LETMD1: variants seen among roughly 807,000 people sequenced by gnomAD.
LETMD1 encodes LETM1 domain-containing protein 1.
Under a neutral mutation model 43.9 loss-of-function variants are expected in LETMD1, and 30 were observed. That is an observed-to-expected ratio of 0.68 (90% CI 0.51 to 0.93). The LOEUF (loss-of-function observed/expected upper bound fraction) is 0.93, where lower values mean the gene tolerates loss of function less well. LETMD1 is among the 40% of genes least tolerant of loss of function. LETMD1 has a pLI of 0.00. For synonymous variants in LETMD1, 176 were observed against 163.1 expected (o/e 1.08, Z -0.60); for missense variants, 413 against 447.7 (o/e 0.92, Z 0.70).
chr12:51,064,144 A>G (rs1349153248), downstream of LETMD1: 1 of 1,614,148 alleles, frequency 6.2e-7, no homozygotes, highest in African/African-American at 1.3e-5. Context: ...CCACTGTTCA[A>G]GTAGGATGGG....
At position 51,048,896 on chromosome 12, in the gene LETMD1, C is replaced by T; in HGVS notation, c.123-138C>T. ...GTCTGATTGCCTATCTCTTCTTGAC[C>T]CCAAGACCTTCCTTGGATTTCAGAA... On this transcript the variant is annotated intron_variant, in intron 1 of 8. Coordinates refer to ENST00000262055, the MANE Select transcript of LETMD1 (RefSeq NM_015416.5). 8 of 833,722 alleles carry T rather than the reference C, an allele frequency of 9.6e-6. No homozygotes were observed. The South Asian group carries it at 1.3e-4, about 13-fold the overall frequency. 51.6% of individuals were successfully genotyped at this position (833,722 alleles called of 1,614,324 possible).
At position 51,052,184 on chromosome 12, in the gene LETMD1, C is replaced by T. The variant is rs746682851; in HGVS notation, c.367C>T (p.Arg123Trp). The T allele has an allele frequency of 2.7e-5, 43 of 1,613,650 alleles. No homozygotes were observed. Among genetic ancestry groups the T allele is most frequent in the South Asian group, 4.4e-5 (4 of 91,062 alleles). ...TATAAAGTTTCATCAACTTCCATAC[C>T]GGGAGATGGAGCATTTGAGACAGGT... The part of the protein sequence containing the change: ...HNIKFHQLPY[R>W]EMEHLRQFRQ... The change falls in exon 3 of 9, where the codon CGG (arginine) becomes TGG (tryptophan). Residue 123 changes from arginine to tryptophan, a missense_variant. Coordinates refer to ENST00000262055, the MANE Select transcript of LETMD1 (RefSeq NM_015416.5).
chr12:51,063,988 A>C (rs1245204966), downstream of LETMD1: 2 of 1,613,966 alleles, frequency 1.2e-6, no homozygotes, highest in South Asian at 2.2e-5. Context: ...GGGTCTGTGG[A>C]GCTACAAGCC....
At chr12:51,068,769 A>G in the LETMD1 span, among the ~76,000 whole-genome samples, 3 of 152,188 alleles carry the variant, frequency 2.0e-5, no homozygotes, top group African/African-American at 4.8e-5. Flanking sequence ...CACTGAATGC[A>G]AAACTACCTT....
At chr12:51,066,024 G>A in the LETMD1 span, among the ~76,000 whole-genome samples, 1 of 152,154 alleles carries the variant, frequency 6.6e-6, no homozygotes, top group African/African-American at 2.4e-5. Flanking sequence ...TCCCCCATCA[G>A]AGGGCCAACA....
chr12:51,048,913 AT>A (rs879539763), intron 1 of LETMD1, 120 bp from the exon 2 acceptor site: 52 of 966,078 alleles, frequency 5.4e-5, no homozygotes, highest in Admixed American at 5.1e-4. Context: ...CCTTCCTTGG[AT>A]TTCAGAAGTG....
chr12:51,059,011 C>G, intron 8 of LETMD1: 1 of 307,294 alleles, frequency 3.3e-6, no homozygotes. Context: ...GTTTTGTGGG[C>G]CTTTGGATGT....
At chr12:51,063,786 G>GGCCGAT, downstream of LETMD1, 1 of 1,593,414 alleles carries the variant, frequency 6.3e-7, no homozygotes, top group South Asian at 1.1e-5. Context: ...ATCTTCAGGG[G>GGCCGAT]GCCGATCCTC....
downstream of LETMD1, chr12:51,064,707 T>C (rs779968251): frequency 6.8e-7 from 1 of 1,477,436 alleles, no homozygotes; most frequent in Non-Finnish European, 9.0e-7. Flanking sequence ...AGATGAGACC[T>C]ACAATCCTAA....
At chr12:51,053,044 G>A (rs755744473) in intron 3 of LETMD1, among the ~76,000 whole-genome samples, 24 of 149,376 alleles carry the variant, frequency 1.6e-4, no homozygotes, top group African/African-American at 3.5e-4. Context: ...CCTGGGAGGC[G>A]GAGGTTGCAG....
At chr12:51,063,009 T>C (rs1937727787), downstream of LETMD1, 2 of 152,110 alleles carry the variant, frequency 1.3e-5, no homozygotes, top group African/African-American at 2.4e-5. Flanking sequence ...CCCCAGCCAA[T>C]CCAGCTCTTT....
chr12:51,052,000 T>C lies in LETMD1; in HGVS notation c.275-92T>C, dbSNP rs1264673266. On this transcript the variant is annotated intron_variant, in intron 2 of 8. Transcript: ENST00000262055. Reference sequence around the variant, plus strand: ...GAGTATCGTTGGGGAGGGGTGAGAGTGTTTGCATGTGATTGAACATGGAGT... The same window carrying C: ...GAGTATCGTTGGGGAGGGGTGAGAGCGTTTGCATGTGATTGAACATGGAGT... The C allele has an allele frequency of 4.5e-6, 5 of 1,110,028 alleles. No individual in the cohort carries two copies. In the African/African-American group the frequency reaches 7.9e-5, roughly 17 times the overall value. 68.8% of individuals were successfully genotyped at this position (1,110,028 alleles called of 1,614,324 possible). A position where few individuals can be genotyped will look rare whatever the true frequency, so the allele number is the denominator to read the frequency against.
intron 7 of LETMD1, among the ~76,000 whole-genome samples, chr12:51,057,320 C>T (rs1566137901): frequency 6.6e-6 from 1 of 151,568 alleles, no homozygotes; most frequent in Non-Finnish European, 1.5e-5. Context: ...TGGTCTTGAA[C>T]TCCTGGGCTC....
At chr12:51,048,964 A>C (rs762718377) in intron 1 of LETMD1, 70 bp from the exon 2 acceptor site, 2 of 1,408,288 alleles carry the variant, frequency 1.4e-6, no homozygotes, top group Non-Finnish European at 2.0e-6. Flanking sequence ...CCTGCTTTAC[A>C]TTAGGGACTC....
chr12:51,062,042 CA>C (rs1592732253), downstream of LETMD1: 1 of 151,998 alleles, frequency 6.6e-6, no homozygotes, highest in East Asian at 1.9e-4. Flanking sequence ...AGTTCCCCTC[CA>C]AACTAAAACC....
intron 7 of LETMD1, 70 bp downstream of exon 7, chr12:51,056,572 T>G (rs1947806463): frequency 3.4e-6 from 5 of 1,466,030 alleles, no homozygotes; most frequent in Non-Finnish European, 4.8e-6. Context: ...GGCCGGAGGT[T>G]TACAGGGGCT....
chr12:51,063,793 C>A (rs749688709), downstream of LETMD1: 1 of 1,598,444 alleles, frequency 6.3e-7, no homozygotes. Context: ...GGGGGCCGAT[C>A]CTCATTCTGC....
At chr12:51,053,504 G>C (rs997667514) in intron 3 of LETMD1, among the ~76,000 whole-genome samples, 4 of 152,146 alleles carry the variant, frequency 2.6e-5, no homozygotes, top group African/African-American at 4.8e-5. Context: ...TTAGCCTAGA[G>C]TGGCGGCTTA....
the LETMD1 span, among the ~76,000 whole-genome samples, chr12:51,067,356 T>G: frequency 6.6e-6 from 1 of 152,152 alleles, no homozygotes; most frequent in Admixed American, 6.5e-5. The surrounding 1 kb of genome is among the most constrained non-coding windows in gnomAD (Gnocchi z 4.1). Flanking sequence ...TGCAAAAATT[T>G]TAAGAGACAG....
Sources: gnomAD v4.1 joint callset for allele counts (sites outside exome capture counted in the v4.1 genomes callset) on GRCh38, gnomAD v4.1.1 for gene constraint, Gnocchi (gnomAD v3.1) non-coding constraint, MANE v1.5 for transcripts, NCBI Gene and HGNC (gene_info 2026-07-23, HGNC 2026-07-21) for gene names.